The following HTR4 variants were observed in gnomAD, a reference collection of about 807,000 sequenced individuals.
HTR4 encodes the protein 5-hydroxytryptamine receptor 4, also known as 5-hydroxytryptamine (serotonin) receptor 4, G protein-coupled.
HTR4 carries 16 observed loss-of-function variants against 36.8 expected under a neutral mutation model. The ratio of observed to expected loss-of-function variants is 0.43; its 90% CI spans 0.29 to 0.66. HTR4 has a LOEUF of 0.66. HTR4 is among the 30% of genes least tolerant of loss of function. The probability of loss-of-function intolerance (pLI) is 0.13; values close to 1 mark genes in which losing one functional copy is unlikely to be tolerated. For missense variants in HTR4, 438 were observed against 490.9 expected, an observed-to-expected ratio of 0.89 and a Z score of 1.02; for synonymous variants, 189 against 185.1, an observed-to-expected ratio of 1.02 and a Z score of -0.17.
At chr5:148,597,394 C>T (rs767760464) in intron 2 of HTR4, among the ~76,000 whole-genome samples, 7 of 152,140 alleles carry the variant, frequency 4.6e-5, no homozygotes, top group Non-Finnish European at 7.3e-5. Flanking sequence ...GTTTAAAATG[C>T]CATACATCAC....
At chr5:148,554,438 A>G (rs994033683) in intron 2 of HTR4, among the ~76,000 whole-genome samples, 1 of 152,232 alleles carries the variant, frequency 6.6e-6, no homozygotes, top group African/African-American at 2.4e-5. Flanking sequence ...AAACAAATAA[A>G]TAAGTGAAAT....
intron 4 of HTR4, among the ~76,000 whole-genome samples, chr5:148,533,586 C>T (rs1386818157): frequency 2.0e-5 from 3 of 152,152 alleles, no homozygotes; most frequent in Non-Finnish European, 2.9e-5. Context: ...ACAGAAAAGG[C>T]ACAAGAAGCA....
chr5:148,642,614 A>C (rs1214346366), intron 1 of HTR4, among the ~76,000 whole-genome samples: 1 of 152,146 alleles, frequency 6.6e-6, no homozygotes, highest in Admixed American at 6.5e-5. Flanking sequence ...CAAACAACCC[A>C]CAAGCAGTCT....
At chr5:148,526,475 G>T (rs115443759) in intron 4 of HTR4, among the ~76,000 whole-genome samples, 240 of 152,178 alleles carry the variant, frequency 1.6e-3, no homozygotes, top group Non-Finnish European at 1.8e-3. Flanking sequence ...TTTAGAATGA[G>T]GTGCCGAGAT....
intron 5 of HTR4, among the ~76,000 whole-genome samples, chr5:148,463,695 G>GT (rs201482578): frequency 1.8e-3 from 261 of 147,862 alleles, no homozygotes; most frequent in African/African-American, 3.9e-3. Flanking sequence ...TCTCAGTGAG[G>GT]TTTTTTTTTT....
chr5:148,633,470 G>A (rs1455767269), intron 2 of HTR4, among the ~76,000 whole-genome samples: 1 of 151,228 alleles, frequency 6.6e-6, no homozygotes, highest in Non-Finnish European at 1.5e-5. Context: ...ATGCTGGTGT[G>A]CGCACCCATT....
intron 5 of HTR4, among the ~76,000 whole-genome samples, chr5:148,454,430 T>C (rs1755047966): frequency 6.6e-6 from 1 of 152,232 alleles, no homozygotes; most frequent in African/African-American, 2.4e-5. Flanking sequence ...TTAATCTCTC[T>C]ATACCTCACT....
At chr5:148,550,040 CT>C in intron 3 of HTR4, 96 bp downstream of exon 3, 1 of 1,272,516 alleles carries the variant, frequency 7.9e-7, no homozygotes, top group Non-Finnish European at 1.1e-6. Flanking sequence ...TGTTTTCTTT[CT>C]TAATTACAAA....
intron 2 of HTR4, among the ~76,000 whole-genome samples, chr5:148,621,470 C>G (rs1467140492): frequency 2.6e-5 from 4 of 152,182 alleles, no homozygotes; most frequent in African/African-American, 7.2e-5. Flanking sequence ...GCAGTACCTG[C>G]CAGTTGCATC....
chr5:148,486,756 C>T (rs781098096), intron 6 of HTR4, among the ~76,000 whole-genome samples: 5 of 152,046 alleles, frequency 3.3e-5, no homozygotes, highest in African/African-American at 4.8e-5. Flanking sequence ...GAAGAGGTTT[C>T]GCTGGAAACA....
At chr5:148,555,946 T>TCACACACA (rs60289333) in intron 2 of HTR4, among the ~76,000 whole-genome samples, 3,810 of 149,808 alleles carry the variant, frequency 0.025, 120 homozygotes, top group African/African-American at 0.085. Context: ...TTATACTTTG[T>TCACACACA]CACACACACA....
chr5:148,554,168 C>G (rs1238820109), intron 2 of HTR4, among the ~76,000 whole-genome samples: 1 of 152,082 alleles, frequency 6.6e-6, no homozygotes, highest in Non-Finnish European at 1.5e-5. Flanking sequence ...CTCTGCCTCC[C>G]GGGTTCAAGT....
At chr5:148,587,983 C>G (rs1761412686) in intron 2 of HTR4, among the ~76,000 whole-genome samples, 1 of 152,160 alleles carries the variant, frequency 6.6e-6, no homozygotes, top group Admixed American at 6.5e-5. Context: ...TAACTGACTG[C>G]CCTCAGTTTT....
intron 2 of HTR4, among the ~76,000 whole-genome samples, chr5:148,594,045 G>A (rs972226690): frequency 1.3e-5 from 2 of 152,048 alleles, no homozygotes; most frequent in Non-Finnish European, 2.9e-5. Flanking sequence ...TATTTACTAT[G>A]CTTCGTAGTG....
intron 5 of HTR4, among the ~76,000 whole-genome samples, chr5:148,511,586 G>A (rs1330511630): frequency 6.7e-6 from 1 of 149,864 alleles, no homozygotes; most frequent in Non-Finnish European, 1.5e-5. Flanking sequence ...GTGCTATTTT[G>A]CATAAAACTG....
chr5:148,613,683 C>G (rs1382852467), intron 2 of HTR4, among the ~76,000 whole-genome samples: 1 of 149,468 alleles, frequency 6.7e-6, no homozygotes, highest in African/African-American at 2.5e-5. Flanking sequence ...CTGGCCAGGG[C>G]AATTAGGCAG....
intron 5 of HTR4, among the ~76,000 whole-genome samples, chr5:148,457,472 AGC>A: frequency 6.6e-6 from 1 of 151,938 alleles, no homozygotes; most frequent in East Asian, 1.9e-4. Flanking sequence ...GGTAATTAGT[AGC>A]GTAATAATAG....
At chr5:148,506,572 C>T (rs891921117) in intron 6 of HTR4, among the ~76,000 whole-genome samples, 6 of 152,138 alleles carry the variant, frequency 3.9e-5, no homozygotes, top group African/African-American at 1.4e-4. Flanking sequence ...AAACTACCAT[C>T]AGAGTGAACA....
intron 2 of HTR4, among the ~76,000 whole-genome samples, chr5:148,601,357 A>G (rs1761989570): frequency 6.6e-6 from 1 of 152,206 alleles, no homozygotes; most frequent in East Asian, 1.9e-4. Flanking sequence ...CAAGGAATTG[A>G]AATCAGAGTC....
Sources: allele counts gnomAD v4.1 joint callset (sites outside exome capture counted in the v4.1 genomes callset), GRCh38; gene constraint gnomAD v4.1.1; transcripts MANE v1.5; gene names NCBI Gene and HGNC (gene_info 2026-07-23, HGNC 2026-07-21).